The following DPP4 variants were observed in gnomAD, a reference collection of about 807,000 sequenced individuals.
DPP4 encodes dipeptidyl peptidase 4.
DPP4 carries 93 observed loss-of-function variants against 122.4 expected under a neutral mutation model. The ratio of observed to expected loss-of-function variants is 0.76; its 90% CI spans 0.64 to 0.90. The LOEUF (loss-of-function observed/expected upper bound fraction) is 0.90, where lower values mean the gene tolerates loss of function less well. DPP4 is among the 40% of genes least tolerant of loss of function. The pLI is 0.00. For missense variants in DPP4, 914 were observed against 907.3 expected, an observed-to-expected ratio of 1.01 and a Z score of -0.09; for synonymous variants, 321 against 302.9, an observed-to-expected ratio of 1.06 and a Z score of -0.62.
chr2:162,025,677 C>T (rs999902113), intron 10 of DPP4, among the ~76,000 whole-genome samples: 1 of 152,162 alleles, frequency 6.6e-6, no homozygotes, highest in Admixed American at 6.5e-5. Flanking sequence ...TTTCTGCTGG[C>T]CTCCCTCACA....
intron 25 of DPP4, among the ~76,000 whole-genome samples, chr2:161,994,293 C>A (rs1245672897): frequency 6.6e-6 from 1 of 152,202 alleles, no homozygotes; most frequent in Non-Finnish European, 1.5e-5. Context: ...CAGAGCAAAT[C>A]ATGTGTGTTA....
intron 9 of DPP4, 33 bp from the exon 10 acceptor site, chr2:162,033,686 C>CAAAAA: frequency 8.8e-7 from 1 of 1,134,486 alleles, no homozygotes; most frequent in Non-Finnish European, 1.2e-6. Flanking sequence ...TTGGTATTGA[C>CAAAAA]AAAAAAAAAA....
chr2:162,032,712 A>C (rs7578313), intron 10 of DPP4, among the ~76,000 whole-genome samples: 5,524 of 151,156 alleles, frequency 0.037, 278 homozygotes, highest in African/African-American at 0.11. Flanking sequence ...ACAACAACAA[A>C]AAAAAAAACA....
intron 2 of DPP4, among the ~76,000 whole-genome samples, chr2:162,054,964 T>A (rs775400538): frequency 6.6e-6 from 1 of 152,202 alleles, no homozygotes; most frequent in Non-Finnish European, 1.5e-5. Flanking sequence ...ACACTGCACA[T>A]TATTGTTTTG....
intron 2 of DPP4, among the ~76,000 whole-genome samples, chr2:162,071,169 C>CA: frequency 6.6e-6 from 1 of 152,272 alleles, no homozygotes; most frequent in Non-Finnish European, 1.5e-5. Flanking sequence ...AGCTTAGAAT[C>CA]AAACTCTTTT....
chr2:162,073,206 A>G (rs1481738828), intron 2 of DPP4, 193 bp downstream of exon 2: 3 of 532,220 alleles, frequency 5.6e-6, no homozygotes, highest in Middle Eastern at 5.0e-4. Context: ...GTTTCAGCCT[A>G]AACACTGAAG....
intron 23 of DPP4, among the ~76,000 whole-genome samples, chr2:161,996,090 TG>T (rs1002775508): frequency 1.3e-5 from 2 of 151,784 alleles, no homozygotes; most frequent in African/African-American, 4.8e-5. Flanking sequence ...AAAAAAAAAT[TG>T]GGAAGTCAGC....
At position 162,018,710 on chromosome 2, in the gene DPP4, CCAG is replaced by C. The variant is rs1405596093; in HGVS notation, c.1420+16_1420+18del. On this transcript the variant is annotated intron_variant, in intron 16 of 25. Transcript: ENST00000360534. ...GTAACAGCGGCGACTGCCCTCCCTCCCAGGGAGCTCAGACTTACCGGAACATCT... is the reference window on the plus strand; with the variant it reads ...GTAACAGCGGCGACTGCCCTCCCTCCGGAGCTCAGACTTACCGGAACATCT... 1 of 1,611,482 alleles carries C rather than the reference CCAG, an allele frequency of 6.2e-7. No individual in the cohort carries two copies. The highest frequency in any genetic ancestry group is 1.3e-5 in the African/African-American group (1 of 74,940).
rs1436856671 is a variant in DPP4 at position 162,024,936 on chromosome 2, A to G, written c.891T>C (p.Asp297=). The change falls in exon 11 of 26, where the codon GAT becomes GAC. Residue 297 remains aspartate, a synonymous_variant. Transcript: ENST00000360534. Reference sequence around the variant, plus strand: ...CCCATGTCACATCACACAAGTAGTGATCCCTGGAAGGAAGAAAGAAAGGAA... The same window carrying G: ...CCCATGTCACATCACACAAGTAGTGGTCCCTGGAAGGAAGAAAGAAAGGAA... The part of the protein sequence containing the change: ...ITAPASMLIG[D]HYLCDVTWAT... 1 of 1,613,068 alleles carries G rather than the reference A, an allele frequency of 6.2e-7. No homozygotes were observed. Among genetic ancestry groups the G allele is most frequent in the East Asian group, 2.2e-5 (1 of 44,880 alleles).
chr2:161,994,511 T>C (rs1700944489), intron 25 of DPP4, among the ~76,000 whole-genome samples: 1 of 152,224 alleles, frequency 6.6e-6, no homozygotes, highest in Non-Finnish European at 1.5e-5. Context: ...ACCTTGTAAT[T>C]GCAAAAACTG....
chr2:162,035,794 A>C (rs1278299166), intron 8 of DPP4, among the ~76,000 whole-genome samples: 1 of 152,100 alleles, frequency 6.6e-6, no homozygotes, highest in East Asian at 1.9e-4. Flanking sequence ...TGGTGCCCAG[A>C]GTTTACTACT....
At chr2:162,045,684 AG>A in intron 4 of DPP4, 72 bp from the exon 5 acceptor site, 3 of 1,086,650 alleles carry the variant, frequency 2.8e-6, no homozygotes, top group Admixed American at 1.7e-5. Flanking sequence ...CTTACTTCAT[AG>A]GGGGTACTGT....
chr2:162,054,632 G>A lies in DPP4; in HGVS notation c.95-7131C>T, dbSNP rs561526645. On this transcript the variant is annotated intron_variant, in intron 2 of 25. Transcript: ENST00000360534. ...CTTATAAAAGGGCTGGAGGGAACTA[G>A]TCTAAGCCTTTTTGTCTTTCTACTC... 5.9e-5 allele frequency among the ~76,000 whole-genome samples: 9 copies of A among 152,256 alleles called. No homozygotes were observed. The South Asian group carries it at 1.0e-3, about 18-fold the overall frequency.
chr2:162,020,430 C>T (rs1683082757), intron 13 of DPP4, 134 bp from the exon 14 acceptor site: 7 of 1,005,360 alleles, frequency 7.0e-6, no homozygotes, highest in Admixed American at 2.8e-5. Flanking sequence ...TTCCCCACCT[C>T]GTTCCACATG....
At chr2:162,008,753 A>G in intron 21 of DPP4, 92 bp from the exon 22 acceptor site, 1 of 1,109,460 alleles carries the variant, frequency 9.0e-7, no homozygotes, top group Non-Finnish European at 1.4e-6. Context: ...ACATCTTTAT[A>G]TACTGTGCCT....
At chr2:162,045,493 G>T (rs200841285) in intron 5 of DPP4, 39 bp downstream of exon 5, 63 of 1,447,074 alleles carry the variant, frequency 4.4e-5, no homozygotes, top group Non-Finnish European at 1.1e-5. Context: ...CATACTCTTG[G>T]ATTATTTAAA....
chr2:162,064,578 A>G (rs938892170), intron 2 of DPP4, among the ~76,000 whole-genome samples: 2 of 152,148 alleles, frequency 1.3e-5, no homozygotes, highest in Admixed American at 6.5e-5. Context: ...ATCTTATTTT[A>G]TGTTGACTAT....
intron 8 of DPP4, among the ~76,000 whole-genome samples, chr2:162,036,340 G>A (rs531505451): frequency 5.9e-5 from 9 of 152,196 alleles, no homozygotes; most frequent in African/African-American, 2.2e-4. Context: ...AATAATTACT[G>A]TAATAAAATG....
At chr2:161,996,474 TG>T (rs1162607861) in intron 23 of DPP4, among the ~76,000 whole-genome samples, 1 of 152,184 alleles carries the variant, frequency 6.6e-6, no homozygotes, top group Non-Finnish European at 1.5e-5. Flanking sequence ...ATGGGAACCT[TG>T]GTGGTCTGGC....
Sources: gnomAD v4.1 joint callset for allele counts (sites outside exome capture counted in the v4.1 genomes callset) on GRCh38, gnomAD v4.1.1 for gene constraint, MANE v1.5 for transcripts, NCBI Gene and HGNC (gene_info 2026-07-23, HGNC 2026-07-21) for gene names.